Variants in SHISAL1 observed in about 807,000 individuals in gnomAD.
SHISAL1 encodes the protein protein shisa-like-1.
SHISAL1 carries 9 observed loss-of-function variants against 22.6 expected under a neutral mutation model. The observed-to-expected ratio is 0.40, with a 90% CI of 0.24 to 0.70. The LOEUF (loss-of-function observed/expected upper bound fraction) is 0.70, where lower values mean the gene tolerates loss of function less well. SHISAL1 is among the 30% of genes least tolerant of loss of function. The pLI, the probability that SHISAL1 is intolerant of heterozygous loss-of-function variation, is 0.39. For missense variants in SHISAL1, 246 were observed against 270.6 expected, an observed-to-expected ratio of 0.91 and a Z score of 0.64; for synonymous variants, 119 against 115.4, an observed-to-expected ratio of 1.03 and a Z score of -0.20.
chr22:44,316,934 G>C (rs903492728), upstream of SHISAL1, among the ~76,000 whole-genome samples: 1 of 152,194 alleles, frequency 6.6e-6, no homozygotes, highest in Non-Finnish European at 1.5e-5. Flanking sequence ...CGGCTAATTG[G>C]CAGCAGCTGC....
chr22:44,330,826 C>T, the SHISAL1 span, among the ~76,000 whole-genome samples: 4 of 152,146 alleles, frequency 2.6e-5, no homozygotes, highest in South Asian at 2.1e-4. Flanking sequence ...CAGCCCCGGG[C>T]GCGGGATCAA....
chr22:44,291,231 T>C (rs1367798453), intron 3 of SHISAL1, among the ~76,000 whole-genome samples: 1 of 152,182 alleles, frequency 6.6e-6, no homozygotes, highest in Non-Finnish European at 1.5e-5. Context: ...CAGAATGCTT[T>C]ACACATAGAA....
chr22:44,280,644 C>T (rs1416124939), intron 4 of SHISAL1, among the ~76,000 whole-genome samples: 2 of 151,884 alleles, frequency 1.3e-5, no homozygotes, highest in African/African-American at 2.4e-5. Context: ...AGGAGGCAGC[C>T]GAGGCCCTCT....
chr22:44,259,807 T>C (rs531044188), intron 4 of SHISAL1, among the ~76,000 whole-genome samples: 20 of 152,226 alleles, frequency 1.3e-4, no homozygotes, highest in Non-Finnish European at 2.6e-4. Flanking sequence ...CCAATTTTCC[T>C]AGAACTTATC....
chr22:44,281,408 T>C (rs950123750), intron 4 of SHISAL1, among the ~76,000 whole-genome samples: 3 of 151,960 alleles, frequency 2.0e-5, no homozygotes, highest in African/African-American at 7.3e-5. Context: ...GGCTGAATAC[T>C]GGTGGAAGTG....
intron 3 of SHISAL1, 112 bp from the exon 4 acceptor site, chr22:44,285,857 C>T (rs1012120399): frequency 4.2e-5 from 39 of 920,984 alleles, no homozygotes; most frequent in African/African-American, 3.0e-4. Flanking sequence ...TTGGGGTCCC[C>T]GGGAGGAGGG....
intron 4 of SHISAL1, among the ~76,000 whole-genome samples, chr22:44,268,796 G>T (rs909809297): frequency 1.3e-5 from 2 of 152,180 alleles, no homozygotes; most frequent in Non-Finnish European, 2.9e-5. Flanking sequence ...AGCACCTGGG[G>T]GCAGGGATGG....
At position 44,296,423 on chromosome 22, in the gene SHISAL1, G is replaced by A. The variant is rs189034135; in HGVS notation, c.281+249C>T. ...GATCCACCCACCTCATTCTCCCAAA[G>A]TGCTAGGATTACAGGTGTGAGCTAC... On this transcript the variant is annotated intron_variant, in intron 3 of 4. Coordinates refer to ENST00000381176, the MANE Select transcript of SHISAL1 (RefSeq NM_001099294.2). Among the ~76,000 whole-genome samples, 888 of 151,996 alleles carry A rather than the reference G, an allele frequency of 5.8e-3. 9 individuals are homozygous for A. Among genetic ancestry groups the A allele is most frequent in the African/African-American group, 0.02 (834 of 41,432 alleles).
At chr22:44,319,308 T>C in the SHISAL1 span, among the ~76,000 whole-genome samples, 1 of 152,218 alleles carries the variant, frequency 6.6e-6, no homozygotes, top group Non-Finnish European at 1.5e-5. Flanking sequence ...AGAGATTGTG[T>C]TGCCTGCCGA....
At chr22:44,301,497 A>G (rs1387606765) in intron 1 of SHISAL1, among the ~76,000 whole-genome samples, 1 of 152,248 alleles carries the variant, frequency 6.6e-6, no homozygotes. Flanking sequence ...TGTTCTACTC[A>G]GGAAGGCTGA....
intron 4 of SHISAL1, among the ~76,000 whole-genome samples, chr22:44,260,510 A>G (rs1262078300): frequency 6.6e-6 from 1 of 152,196 alleles, no homozygotes; most frequent in Non-Finnish European, 1.5e-5. Context: ...GGCTGAGGGA[A>G]GAGGGACAGA....
At position 44,287,212 on chromosome 22, in the gene SHISAL1, C is replaced by A. The variant is rs572770723; in HGVS notation, c.282-1467G>T. Among the ~76,000 whole-genome samples, 167 of 152,362 alleles carry A rather than the reference C, an allele frequency of 1.1e-3. 2 individuals carry two copies. Among genetic ancestry groups the A allele is most frequent in the South Asian group, 2.3e-3 (11 of 4,832 alleles). On this transcript the variant is annotated intron_variant, in intron 3 of 4. Transcript: ENST00000381176. Reference sequence around the variant, plus strand: ...TGAGGCCTCTCCCAGTCTCGACTTCCAGGCTCCAGATCTTCCCAGGCTTAG... The same window carrying A: ...TGAGGCCTCTCCCAGTCTCGACTTCAAGGCTCCAGATCTTCCCAGGCTTAG...
In SHISAL1 at chr22:44,248,102, TCGAAC is replaced by T. The variant is rs1266607006; in HGVS notation, c.*1578_*1582del. On this transcript the variant is annotated 3_prime_UTR_variant, in exon 5 of 5. Transcript: ENST00000381176. ...CACAAGGGTCTCACTCACGTGTCCC[TCGAAC>T]TGAGTTCCTGGCACTGAGTTCCCGG... The T allele has an allele frequency of 6.6e-6, 1 of 152,238 alleles. No homozygotes were observed. Among genetic ancestry groups the T allele is most frequent in the African/African-American group, 2.4e-5 (1 of 41,446 alleles). 9.4% of individuals were successfully genotyped at this position (152,238 alleles called of 1,614,324 possible).
intron 1 of SHISAL1, among the ~76,000 whole-genome samples, chr22:44,309,024 C>T (rs1369787946): frequency 6.6e-6 from 1 of 152,194 alleles, no homozygotes; most frequent in Non-Finnish European, 1.5e-5. Flanking sequence ...TGGTCCTGCC[C>T]GTGGGCATCC....
Position 44,285,702 on chromosome 22 carries a change from C to T in SHISAL1, c.325G>A (p.Val109Met), listed in dbSNP as rs763780338. The T allele has an allele frequency of 2.5e-6, 4 of 1,614,032 alleles. No homozygotes were observed. Among genetic ancestry groups the T allele is most frequent in the South Asian group, 2.2e-5 (2 of 91,056 alleles). The part of the protein sequence containing the change: ...LLGVWIYGFF[V>M]LMLLVLDLLY... The stretch of plus-strand genomic sequence containing the variant: ...AGGTCCAGAACCAGCAGCATCAACA[C>T]GAAAAATCCATAGATCCACACTCCC... Residue 109 changes from valine to methionine, a missense_variant, in exon 4 of 5, where the codon GTG becomes ATG. Physicochemically the swap from Val to Met is conservative, Grantham distance 21. Around this residue, in one of 2 missense-constraint regions of SHISAL1, gnomAD observed 110 missense variants for 153.1 expected, o/e 0.72. Transcript: ENST00000381176.
At chr22:44,295,276 G>A (rs9614227) in intron 3 of SHISAL1, among the ~76,000 whole-genome samples, 15,036 of 151,796 alleles carry the variant, frequency 0.099, 967 homozygotes, top group South Asian at 0.16. Flanking sequence ...ATTTCATCTC[G>A]GGGGAAAAGA....
chr22:44,279,945 C>T (rs1257621872), intron 4 of SHISAL1, among the ~76,000 whole-genome samples: 5 of 152,200 alleles, frequency 3.3e-5, no homozygotes, highest in Admixed American at 2.0e-4. Context: ...CCCTTAAGAT[C>T]TGAGATGTAC....
the SHISAL1 span, among the ~76,000 whole-genome samples, chr22:44,320,461 C>G: frequency 6.6e-6 from 1 of 152,086 alleles, no homozygotes; most frequent in African/African-American, 2.4e-5. Context: ...TTGGACAGTC[C>G]GCAAATAAAC....
At chr22:44,277,474 A>AAAACAAAACG (rs2055247836) in intron 4 of SHISAL1, among the ~76,000 whole-genome samples, 1 of 149,076 alleles carries the variant, frequency 6.7e-6, no homozygotes, top group Non-Finnish European at 1.5e-5. Flanking sequence ...AAAACAAAAC[A>AAAACAAAACG]AAACAAAACA....
Sources: allele counts gnomAD v4.1 joint callset (sites outside exome capture counted in the v4.1 genomes callset), GRCh38; gene constraint gnomAD v4.1.1; regional missense constraint gnomAD v4.1.1; transcripts MANE v1.5; gene names NCBI Gene and HGNC (gene_info 2026-07-23, HGNC 2026-07-21).